ZNF804B: variants seen among roughly 807,000 people sequenced by gnomAD.
The protein encoded by ZNF804B is zinc finger 804B.
In ZNF804B, 80 loss-of-function variants were observed where a neutral mutation model predicts 101.4. The observed-to-expected ratio is 0.79, with a 90% CI of 0.66 to 0.95. The LOEUF (loss-of-function observed/expected upper bound fraction) is 0.95. Among genes scored for constraint, ZNF804B ranks in the 40% least tolerant of loss-of-function variants. ZNF804B has a pLI of 0.00. For synonymous variants in ZNF804B, 622 were observed against 558.8 expected, an observed-to-expected ratio of 1.11 and a Z score of -1.59; for missense variants, 1,673 against 1,561.9, an observed-to-expected ratio of 1.07 and a Z score of -1.20.
chr7:88,911,320 C>A (rs990683956), intron 1 of ZNF804B, among the ~76,000 whole-genome samples: 1 of 151,518 alleles, frequency 6.6e-6, no homozygotes, highest in Non-Finnish European at 1.5e-5. Flanking sequence ...ATGTTTCTTA[C>A]ATCTCTTGCC....
intron 3 of ZNF804B, among the ~76,000 whole-genome samples, chr7:89,328,452 G>A (rs1305128745): frequency 1.3e-5 from 2 of 151,704 alleles, no homozygotes; most frequent in Non-Finnish European, 2.9e-5. Flanking sequence ...ACAAAATAAA[G>A]GTACAACATG....
chr7:89,259,935 A>C (rs1215498934), intron 2 of ZNF804B, among the ~76,000 whole-genome samples: 1 of 152,114 alleles, frequency 6.6e-6, no homozygotes, highest in Non-Finnish European at 1.5e-5. Context: ...TAGTGACCTG[A>C]GATCACACCA....
chr7:89,198,830 G>A (rs1490354555), intron 1 of ZNF804B, among the ~76,000 whole-genome samples: 1 of 151,910 alleles, frequency 6.6e-6, no homozygotes, highest in Non-Finnish European at 1.5e-5. Context: ...AGTAGCAAAA[G>A]GTCATGTCAG....
intron 1 of ZNF804B, among the ~76,000 whole-genome samples, chr7:89,149,170 T>C (rs1790833921): frequency 2.0e-5 from 3 of 152,108 alleles, no homozygotes; most frequent in Admixed American, 1.3e-4. Context: ...TTGTCCATTG[T>C]AAATTTGTAG....
intron 1 of ZNF804B, chr7:88,794,102 C>G (rs558818511): frequency 9.5e-6 from 11 of 1,157,706 alleles, no homozygotes; most frequent in African/African-American, 6.3e-5. Context: ...TTAAAAGACA[C>G]CAGTAACTTT....
chr7:89,152,391 C>T (rs1217452249), intron 1 of ZNF804B, among the ~76,000 whole-genome samples: 2 of 151,524 alleles, frequency 1.3e-5, no homozygotes, highest in Non-Finnish European at 2.9e-5. Context: ...TTTAAGGAAA[C>T]AGTTGTCAGA....
rs533471455 is a variant in ZNF804B at position 89,115,210 on chromosome 7, T to G, written c.109-102945T>G. Among the ~76,000 whole-genome samples, 3 of 152,256 alleles carry G rather than the reference T, an allele frequency of 2.0e-5. No homozygotes were observed. The South Asian group carries it at 6.2e-4, about 32-fold the overall frequency. The stretch of plus-strand genomic sequence containing the variant: ...ACAAGATTCCCGAATGAAAGAGGGT[T>G]TTAAATGAAAATAACCATTACCTCT... On this transcript the variant is annotated intron_variant, in intron 1 of 3. Coordinates refer to ENST00000333190, the MANE Select transcript of ZNF804B (RefSeq NM_181646.5).
chr7:88,821,970 T>C (rs1054716383), intron 1 of ZNF804B, among the ~76,000 whole-genome samples: 2 of 152,184 alleles, frequency 1.3e-5, no homozygotes, highest in Admixed American at 6.6e-5. Context: ...TCTGTTATTG[T>C]AATGAAATTA....
intron 2 of ZNF804B, among the ~76,000 whole-genome samples, chr7:89,250,198 A>G (rs1436789416): frequency 6.6e-6 from 1 of 151,788 alleles, no homozygotes. Flanking sequence ...TTAAAAAAAA[A>G]TATAGGTAAA....
chr7:88,964,376 A>G (rs2116096919), intron 1 of ZNF804B, among the ~76,000 whole-genome samples: 1 of 151,640 alleles, frequency 6.6e-6, no homozygotes, highest in South Asian at 2.1e-4. Context: ...CTATAATACA[A>G]CATGGGTGAA....
At chr7:88,966,080 C>T (rs1250754784) in intron 1 of ZNF804B, among the ~76,000 whole-genome samples, 4 of 151,264 alleles carry the variant, frequency 2.6e-5, no homozygotes, top group Non-Finnish European at 5.9e-5. Flanking sequence ...AAGATAGAAG[C>T]TTTCATAATT....
Position 89,082,822 on chromosome 7 carries a change from A to G in ZNF804B, c.109-135333A>G, listed in dbSNP as rs1236776799. Among the ~76,000 whole-genome samples the G allele has an allele frequency of 3.9e-5, 6 of 151,940 alleles. No homozygotes were observed. The East Asian group carries it at 1.2e-3, about 29-fold the overall frequency. The stretch of plus-strand genomic sequence containing the variant: ...CATGTGTAGCGATCTAAATAAGTGT[A>G]AAAATGGTAATTCTTCTGGGGTGCA... On this transcript the variant is annotated intron_variant, in intron 1 of 3. Transcript: ENST00000333190.
chr7:89,285,522 C>CAAAAAAAAAAAAAAAAAAAAAAAAAAAAA (rs778078214), intron 2 of ZNF804B, among the ~76,000 whole-genome samples: 4 of 22,394 alleles, frequency 1.8e-4, no homozygotes, highest in African/African-American at 3.0e-4. Flanking sequence ...GACTCTGTCT[C>CAAAAAAAAAAAAAAAAAAAAAAAAAAAAA]AAAAAAAAAA....
chr7:89,197,701 C>T (rs1277888036), intron 1 of ZNF804B, among the ~76,000 whole-genome samples: 1 of 151,786 alleles, frequency 6.6e-6, no homozygotes, highest in Non-Finnish European at 1.5e-5. Context: ...ATATTTTTCT[C>T]TTAACAGCAC....
rs371547012 is a variant in ZNF804B at position 89,307,040 on chromosome 7, T to C, written c.250-20304T>C. Among the ~76,000 whole-genome samples the C allele has an allele frequency of 3.1e-4, 47 of 152,166 alleles. 1 individual carries two copies. The East Asian group carries it at 3.3e-3, about 11-fold the overall frequency. On this transcript the variant is annotated intron_variant, in intron 2 of 3. Coordinates refer to ENST00000333190, the MANE Select transcript of ZNF804B (RefSeq NM_181646.5). The stretch of plus-strand genomic sequence containing the variant: ...TTACACTCCCAAGAGTAAATGAATG[T>C]GCTTGTTTCTTCATACACTCAATGA...
Position 89,220,022 on chromosome 7 carries a change from C to CAT in ZNF804B, c.249+1735_249+1736dup, listed in dbSNP as rs200121943. ...GTATATGCACATATATGTGTGTATA[C>CAT]ATATATATACGCACATATATGTGCA... On this transcript the variant is annotated intron_variant, in intron 2 of 3. Coordinates refer to ENST00000333190, the MANE Select transcript of ZNF804B (RefSeq NM_181646.5). Among the ~76,000 whole-genome samples, 268 of 33,134 alleles carry CAT rather than the reference C, an allele frequency of 8.1e-3. 93 individuals carry two copies. The highest frequency in any genetic ancestry group is 0.015 in the African/African-American group (106 of 6,924). The allele number at this position is 33,134 out of a possible 152,430, so 21.7% of individuals were successfully genotyped here. A position where few individuals can be genotyped will look rare whatever the true frequency, so the allele number is the denominator to read the frequency against.
chr7:88,944,634 CTATTTACATAG>C lies in ZNF804B; in HGVS notation c.108+184566_108+184576del, dbSNP rs1275104109. Among the ~76,000 whole-genome samples, 8 of 151,690 alleles carry C rather than the reference CTATTTACATAG, an allele frequency of 5.3e-5. No individual in the cohort carries two copies. The East Asian group carries it at 9.8e-4, about 19-fold the overall frequency. On this transcript the variant is annotated intron_variant, in intron 1 of 3. Coordinates refer to ENST00000333190, the MANE Select transcript of ZNF804B (RefSeq NM_181646.5). ...TAAAAATACAAAAATATTATAACAA[CTATTTACATAG>C]TATTTACATAGTATTAGGTAATAAA...
intron 1 of ZNF804B, among the ~76,000 whole-genome samples, chr7:88,819,120 T>G (rs914282001): frequency 3.3e-5 from 5 of 152,040 alleles, no homozygotes; most frequent in Non-Finnish European, 7.4e-5. Context: ...CATTTTCTTT[T>G]TTTTGTTTTG....
intron 1 of ZNF804B, among the ~76,000 whole-genome samples, chr7:89,004,590 C>G (rs1447831684): frequency 6.6e-6 from 1 of 151,684 alleles, no homozygotes; most frequent in Admixed American, 6.6e-5. Context: ...TGCAGGTAAC[C>G]ATGACTACTA....
Sources: allele counts gnomAD v4.1 joint callset (sites outside exome capture counted in the v4.1 genomes callset), GRCh38; gene constraint gnomAD v4.1.1; transcripts MANE v1.5; gene names NCBI Gene and HGNC (gene_info 2026-07-23, HGNC 2026-07-21).